Variants in ZMYND11 observed in about 807,000 individuals in gnomAD.
The protein encoded by ZMYND11 is zinc finger MYND domain-containing protein 11.
Under a neutral mutation model 84.9 loss-of-function variants are expected in ZMYND11, and 9 were observed. The ratio of observed to expected loss-of-function variants is 0.11; its 90% CI spans 0.06 to 0.18. The LOEUF is 0.18. ZMYND11 is among the 10% of genes least tolerant of loss of function. The pLI is 1.00. For synonymous variants in ZMYND11, 250 were observed against 244.1 expected, an observed-to-expected ratio of 1.02 and a Z score of -0.23; for missense variants, 409 against 761.0, an observed-to-expected ratio of 0.54 and a Z score of 5.44.
chr10:227,657 A>G (rs748864216), intron 4 of ZMYND11, among the ~76,000 whole-genome samples: 2 of 152,230 alleles, frequency 1.3e-5, no homozygotes, highest in Non-Finnish European at 2.9e-5. Flanking sequence ...TTAAATTCCA[A>G]CAGTAAAGAG....
At chr10:237,516 C>A in intron 5 of ZMYND11, 69 bp from the exon 6 acceptor site, 2 of 934,240 alleles carry the variant, frequency 2.1e-6, no homozygotes, top group Non-Finnish European at 3.3e-6. Flanking sequence ...ATATTTTGAG[C>A]TTTAGGAATT....
At chr10:211,984 A>T (rs770747767) in intron 3 of ZMYND11, among the ~76,000 whole-genome samples, 25 of 152,188 alleles carry the variant, frequency 1.6e-4, no homozygotes, top group Non-Finnish European at 3.1e-4. Context: ...AACACTTAGG[A>T]ATTTATAGAT....
intron 6 of ZMYND11, among the ~76,000 whole-genome samples, chr10:238,624 G>A (rs1291348384): frequency 6.6e-6 from 1 of 152,172 alleles, no homozygotes. Context: ...CCAAAGTGCT[G>A]GGATTACAGG....
At chr10:229,730 ACTTG>A in intron 4 of ZMYND11, among the ~76,000 whole-genome samples, 1 of 152,326 alleles carries the variant, frequency 6.6e-6, no homozygotes, top group Admixed American at 6.5e-5. Context: ...CTGATGGGCT[ACTTG>A]AGTCTTAGTG....
intron 3 of ZMYND11, among the ~76,000 whole-genome samples, chr10:214,292 TAGTC>T (rs1472303652): frequency 6.6e-6 from 1 of 152,148 alleles, no homozygotes; most frequent in African/African-American, 2.4e-5. Flanking sequence ...GCTCAAATAT[TAGTC>T]AAGCAAACAG....
intron 1 of ZMYND11, among the ~76,000 whole-genome samples, chr10:172,550 G>C (rs971027787): frequency 3.3e-5 from 5 of 152,046 alleles, no homozygotes; most frequent in African/African-American, 1.2e-4. Flanking sequence ...AATAAATTGT[G>C]GACAAGATGT....
intron 1 of ZMYND11, among the ~76,000 whole-genome samples, chr10:138,107 G>C (rs1177570191): frequency 6.6e-6 from 1 of 150,708 alleles, no homozygotes; most frequent in African/African-American, 2.4e-5. Flanking sequence ...CCATTCTGTT[G>C]GCGTTTTTTT....
At chr10:179,745 C>G (rs1847440051) in intron 1 of ZMYND11, among the ~76,000 whole-genome samples, 1 of 152,168 alleles carries the variant, frequency 6.6e-6, no homozygotes, top group Non-Finnish European at 1.5e-5. Context: ...GAAGTGACCA[C>G]TTATCCTTCC....
intron 1 of ZMYND11, among the ~76,000 whole-genome samples, chr10:176,080 T>C (rs1171660526): frequency 6.6e-6 from 1 of 152,196 alleles, no homozygotes; most frequent in Non-Finnish European, 1.5e-5. Context: ...TTGCTTATTC[T>C]TAAGTTTTTT....
chr10:149,210 C>CCA (rs1839670691), intron 1 of ZMYND11, among the ~76,000 whole-genome samples: 1 of 151,856 alleles, frequency 6.6e-6, no homozygotes, highest in Non-Finnish European at 1.5e-5. Flanking sequence ...CTCAGTGAGA[C>CCA]CACACACTCC....
intron 4 of ZMYND11, among the ~76,000 whole-genome samples, chr10:234,606 AC>A: frequency 6.6e-6 from 1 of 152,236 alleles, no homozygotes. Flanking sequence ...TATTTTAATG[AC>A]ATTGATATTT....
rs1235938002 is a variant in ZMYND11, at chr10:254,156, ATTGTTTT to A, written c.*1688_*1694del. ...AACCGAGAACACTTAACCTTCTTTG[ATTGTTTT>A]TCAAGTTTTAAGACTTCGATCCACC... On this transcript the variant is annotated 3_prime_UTR_variant, in exon 15 of 15. Coordinates refer to ENST00000381604, the MANE Select transcript of ZMYND11 (RefSeq NM_001370100.5). The A allele has an allele frequency of 1.3e-5, 2 of 152,536 alleles. No homozygotes were observed. Among genetic ancestry groups the A allele is most frequent in the Non-Finnish European group, 2.9e-5 (2 of 68,020 alleles). The allele number at this position is 152,536 out of a possible 1,614,324, so 9.4% of individuals were successfully genotyped here.
intron 2 of ZMYND11, among the ~76,000 whole-genome samples, chr10:191,862 A>AT (rs1219355073): frequency 6.6e-6 from 1 of 152,050 alleles, no homozygotes; most frequent in African/African-American, 2.4e-5. Context: ...ACCGTAAGTT[A>AT]TTATCTGTAG....
chr10:192,823 G>A (rs572683478), intron 2 of ZMYND11, among the ~76,000 whole-genome samples: 36 of 152,272 alleles, frequency 2.4e-4, no homozygotes, highest in African/African-American at 8.4e-4. Context: ...TTCTTATAAG[G>A]TTTTGGGTTT....
chr10:148,475 G>A (rs559845194), intron 1 of ZMYND11: 28 of 152,434 alleles, frequency 1.8e-4, no homozygotes, highest in African/African-American at 6.7e-4. Context: ...TCCTTGAGGT[G>A]TAAGACTCAC....
rs1463196389 is a variant in ZMYND11 at position 233,514 on chromosome 10, A to G, written c.439-3324A>G. The stretch of plus-strand genomic sequence containing the variant: ...ATAAACACTTAAGTAGGATATCTGA[A>G]TCTGAATGGTGCTCTGTTAAAATGA... On this transcript the variant is annotated intron_variant, in intron 4 of 14. Coordinates refer to ENST00000381604, the MANE Select transcript of ZMYND11 (RefSeq NM_001370100.5). Among the ~76,000 whole-genome samples the G allele has an allele frequency of 2.0e-5, 3 of 152,234 alleles. No individual in the cohort carries two copies. In the East Asian group the frequency reaches 5.8e-4, roughly 29 times the overall value.
At chr10:147,016 C>T (rs536314352) in intron 1 of ZMYND11, among the ~76,000 whole-genome samples, 1 of 152,316 alleles carries the variant, frequency 6.6e-6, no homozygotes, top group South Asian at 2.1e-4. Context: ...GTATGTCTTT[C>T]TTAGCAGTGT....
At chr10:224,481 G>A (rs1288943238) in intron 4 of ZMYND11, among the ~76,000 whole-genome samples, 1 of 152,130 alleles carries the variant, frequency 6.6e-6, no homozygotes, top group East Asian at 1.9e-4. Flanking sequence ...TTTAAATACT[G>A]TCCAGTTTCA....
At chr10:206,289 G>A (rs1274702074) in intron 2 of ZMYND11, among the ~76,000 whole-genome samples, 1 of 152,104 alleles carries the variant, frequency 6.6e-6, no homozygotes, top group Non-Finnish European at 1.5e-5. Context: ...GAACCCAGGA[G>A]GCAGAGGTTG....
Sources: allele counts gnomAD v4.1 joint callset (sites outside exome capture counted in the v4.1 genomes callset), GRCh38; gene constraint gnomAD v4.1.1; transcripts MANE v1.5; gene names NCBI Gene and HGNC (gene_info 2026-07-23, HGNC 2026-07-21).